GRK2: variants seen among roughly 807,000 people sequenced by gnomAD.
GRK2 encodes the protein G protein-coupled receptor kinase 2, also known as adrenergic beta receptor kinase 1.
Under a neutral mutation model 97.8 loss-of-function variants are expected in GRK2, and 23 were observed. The ratio of observed to expected loss-of-function variants is 0.24; its 90% CI spans 0.17 to 0.33. The LOEUF is 0.33. Among genes scored for constraint, GRK2 ranks in the 10% least tolerant of loss-of-function variants. GRK2 has a pLI of 1.00. For missense variants in GRK2, 633 were observed against 956.9 expected, an observed-to-expected ratio of 0.66 and a Z score of 4.47; for synonymous variants, 425 against 381.7, an observed-to-expected ratio of 1.11 and a Z score of -1.32.
chr11:67,279,386 T>C (rs1860100116), intron 3 of GRK2, 32 bp from the exon 4 acceptor site: 1 of 1,610,540 alleles, frequency 6.2e-7, no homozygotes, highest in South Asian at 1.1e-5. Context: ...CCTGCTGGGC[T>C]CTAGATGACC....
rs763434988 is a variant in GRK2, at chr11:67,273,822, G to A, written c.114-3450G>A. On this transcript the variant is annotated intron_variant, in intron 1 of 20. Coordinates refer to ENST00000308595, the MANE Select transcript of GRK2 (RefSeq NM_001619.5). Reference sequence around the variant, plus strand: ...AGAGCCCCGGGTCCTGCTTCCTGCTGTTCCCAGGCCGGGGCTGACAGCAGA... The same window carrying A: ...AGAGCCCCGGGTCCTGCTTCCTGCTATTCCCAGGCCGGGGCTGACAGCAGA... Among the ~76,000 whole-genome samples, 131 of 152,248 alleles carry A rather than the reference G, an allele frequency of 8.6e-4. 1 individual carries two copies. Among genetic ancestry groups the A allele is most frequent in the Admixed American group, 1.4e-3 (22 of 15,300 alleles).
rs1860146011 is a variant in GRK2 at position 67,281,307 on chromosome 11, AC to A, written c.647+128del. 1.3e-5 allele frequency: 14 copies of A among 1,080,914 alleles called. No individual in the cohort carries two copies. The highest frequency in any genetic ancestry group is 2.5e-5 in the East Asian group (1 of 39,632). The allele number at this position is 1,080,914 out of a possible 1,614,324, so 67.0% of individuals were successfully genotyped here. Reference sequence around the variant, plus strand: ...TGCACTCCTGTCTTGCCGTGCTGTTACCCCCGCAGGCTCCTCTGGCCCCAGC... The same window carrying A: ...TGCACTCCTGTCTTGCCGTGCTGTTACCCCGCAGGCTCCTCTGGCCCCAGC... On this transcript the variant is annotated intron_variant, in intron 8 of 20. Transcript: ENST00000308595. This position sits in a 1 kb window ranked among gnomAD's most constrained non-coding sequence, Gnocchi z 5.7.
At chr11:67,270,027 C>T (rs2136488526) in intron 1 of GRK2, among the ~76,000 whole-genome samples, 1 of 152,296 alleles carries the variant, frequency 6.6e-6, no homozygotes, top group Non-Finnish European at 1.5e-5. Context: ...GCTTCTCCCT[C>T]TACCACCAGC....
At position 67,282,158 on chromosome 11, in the gene GRK2, C is replaced by A; in HGVS notation, c.958-113C>A. On this transcript the variant is annotated intron_variant, in intron 11 of 20. Coordinates refer to ENST00000308595, the MANE Select transcript of GRK2 (RefSeq NM_001619.5). The surrounding 1 kb of genome is among the most constrained non-coding windows in gnomAD (Gnocchi z 6.9). ...AGGAGAGAGGACCCCCACCTTTGCC[C>A]TTTCTTTGGGTACCCATCGTCCTCT... The A allele has an allele frequency of 7.9e-7, 1 of 1,269,928 alleles. No homozygotes were observed. The highest frequency in any genetic ancestry group is 1.1e-6 in the Non-Finnish European group (1 of 896,762). The allele number at this position is 1,269,928 out of a possible 1,614,324, so 78.7% of individuals were successfully genotyped here.
chr11:67,273,418 G>C (rs1272294514), intron 1 of GRK2, among the ~76,000 whole-genome samples: 2 of 152,232 alleles, frequency 1.3e-5, no homozygotes, highest in African/African-American at 2.4e-5. Flanking sequence ...TGCCACTCCA[G>C]ACTCTGCCAG....
At chr11:67,271,621 G>A (rs1173078027) in intron 1 of GRK2, among the ~76,000 whole-genome samples, 1 of 152,228 alleles carries the variant, frequency 6.6e-6, no homozygotes, top group Non-Finnish European at 1.5e-5. Flanking sequence ...TGACAAGGCC[G>A]CCAGAGTGCC....
At chr11:67,272,269 A>AG (rs1266190726) in intron 1 of GRK2, among the ~76,000 whole-genome samples, 5 of 152,126 alleles carry the variant, frequency 3.3e-5, no homozygotes, top group Non-Finnish European at 5.9e-5. Context: ...ACAGAGGTCA[A>AG]GGGGGGGATG....
Position 67,281,324 on chromosome 11 carries a change from T to C in GRK2, c.648-135T>C. 1.8e-6 allele frequency: 2 copies of C among 1,087,016 alleles called. No homozygotes were observed. The highest frequency in any genetic ancestry group is 1.4e-6 in the Non-Finnish European group (1 of 735,248). The allele number at this position is 1,087,016 out of a possible 1,614,324, so 67.3% of individuals were successfully genotyped here. ...GTGCTGTTACCCCCGCAGGCTCCTC[T>C]GGCCCCAGCCCTCCCTGTCTCTGAT... On this transcript the variant is annotated intron_variant, in intron 8 of 20. Transcript: ENST00000308595. This position sits in a 1 kb window ranked among gnomAD's most constrained non-coding sequence, Gnocchi z 5.7.
Position 67,281,734 on chromosome 11 carries a change from T to G in GRK2, c.826+6T>G. ...CATCCTGGACCTCATGAACGGTGAGTGCTGGCCGGGCCCTAGGGTGGGCCG... is the reference window on the plus strand; with the variant it reads ...CATCCTGGACCTCATGAACGGTGAGGGCTGGCCGGGCCCTAGGGTGGGCCG... On this transcript the variant is annotated splice_donor_region_variant and intron_variant, in intron 10 of 20. Transcript: ENST00000308595. The surrounding 1 kb of genome is among the most constrained non-coding windows in gnomAD (Gnocchi z 5.7). The G allele has an allele frequency of 6.2e-7, 1 of 1,611,782 alleles. No individual in the cohort carries two copies.
Position 67,282,345 on chromosome 11 carries a change from G to C in GRK2, c.1032G>C (p.Lys344Asn). 3 of 1,613,514 alleles carry C rather than the reference G, an allele frequency of 1.9e-6. No individual in the cohort carries two copies. In the South Asian group the frequency reaches 3.3e-5, roughly 18 times the overall value. Residue 344 changes from lysine to asparagine, a missense_variant, in exon 12 of 21, where the codon AAG becomes AAC. Lys to Asn is a moderately conservative substitution (Grantham distance 94, BLOSUM62 0). This residue lies in a region of GRK2 where 192 missense variants were observed against 362.3 expected (regional missense o/e 0.53). Transcript: ENST00000308595. This position sits in a 1 kb window ranked among gnomAD's most constrained non-coding sequence, Gnocchi z 6.9. Reference protein sequence around the residue: ...SDLGLACDFSKKKPHASVGTH... With the variant: ...SDLGLACDFSNKKPHASVGTH... Reference sequence around the variant, plus strand: ...TGGGCCTGGCCTGTGACTTCTCCAAGAAGAAGCCCCATGCCAGCGTGTGAG... The same window carrying C: ...TGGGCCTGGCCTGTGACTTCTCCAACAAGAAGCCCCATGCCAGCGTGTGAG...
In GRK2 at chr11:67,281,360, C is replaced by A; in HGVS notation, c.648-99C>A. ...CTCCCTGTCTCTGATTTGTGTCACA[C>A]GCTGGTCCTGGGTCTAGTCTTTCCC... On this transcript the variant is annotated intron_variant, in intron 8 of 20. Transcript: ENST00000308595. The surrounding 1 kb of genome is among the most constrained non-coding windows in gnomAD (Gnocchi z 5.7). 2.5e-6 allele frequency: 3 copies of A among 1,218,982 alleles called. No individual in the cohort carries two copies. Among genetic ancestry groups the A allele is most frequent in the Non-Finnish European group, 3.6e-6 (3 of 841,712 alleles). 75.5% of individuals were successfully genotyped at this position (1,218,982 alleles called of 1,614,324 possible).
In GRK2 at chr11:67,286,287, C is replaced by T. The variant is rs895071009; in HGVS notation, c.*837C>T. 1.3e-5 allele frequency: 8 copies of T among 631,448 alleles called. No individual in the cohort carries two copies. The highest frequency in any genetic ancestry group is 2.0e-5 in the Non-Finnish European group (7 of 354,194). 39.1% of individuals were successfully genotyped at this position (631,448 alleles called of 1,614,324 possible). A position where few individuals can be genotyped will look rare whatever the true frequency, so the allele number is the denominator to read the frequency against. ...AGGCTGGCTGGGGCCTATCAGTGTG[C>T]CCCCCATCCTGGCCCATCAGTGTAC... On this transcript the variant is annotated 3_prime_UTR_variant, in exon 21 of 21. Transcript: ENST00000308595.
intron 1 of GRK2, among the ~76,000 whole-genome samples, chr11:67,268,865 G>C (rs1247145317): frequency 6.6e-6 from 1 of 152,250 alleles, no homozygotes; most frequent in East Asian, 1.9e-4. Context: ...AGTTGCTCAA[G>C]AAATACCAGG....
intron 20 of GRK2, 42 bp downstream of exon 20, chr11:67,285,230 A>AG: frequency 6.2e-7 from 1 of 1,611,536 alleles, no homozygotes; most frequent in Non-Finnish European, 8.5e-7. Flanking sequence ...CCGAGGGGCC[A>AG]GGCCAGGCAG....
chr11:67,275,048 G>A (rs544129906), intron 1 of GRK2, among the ~76,000 whole-genome samples: 223 of 152,306 alleles, frequency 1.5e-3, no homozygotes, highest in Non-Finnish European at 2.5e-3. Context: ...CTTCCTGCTG[G>A]AGACAACTTT....
chr11:67,266,672 G>T lies in GRK2; in HGVS notation c.-28G>T. 1.9e-6 allele frequency: 2 copies of T among 1,074,322 alleles called. No homozygotes were observed. Among genetic ancestry groups the T allele is most frequent in the Non-Finnish European group, 2.3e-6 (2 of 870,356 alleles). 66.5% of individuals were successfully genotyped at this position (1,074,322 alleles called of 1,614,324 possible). On this transcript the variant is annotated 5_prime_UTR_variant, in exon 1 of 21. Coordinates refer to ENST00000308595, the MANE Select transcript of GRK2 (RefSeq NM_001619.5). ...CAGGAGCGGCGGCGGCGGCGGCGGCGGCGGGAGGAGGCAGCGCCGCCGCCA... is the reference window on the plus strand; with the variant it reads ...CAGGAGCGGCGGCGGCGGCGGCGGCTGCGGGAGGAGGCAGCGCCGCCGCCA...
Position 67,286,428 on chromosome 11 carries a change from C to T in GRK2, c.*978C>T. On this transcript the variant is annotated 3_prime_UTR_variant, in exon 21 of 21. Coordinates refer to ENST00000308595, the MANE Select transcript of GRK2 (RefSeq NM_001619.5). Reference sequence around the variant, plus strand: ...TGTGTGGTGTCGCGCCTTCTCCCCCCCGGGGCTGGGTTGGCGCACCCTCCC... The same window carrying T: ...TGTGTGGTGTCGCGCCTTCTCCCCCTCGGGGCTGGGTTGGCGCACCCTCCC... 1 of 699,936 alleles carries T rather than the reference C, an allele frequency of 1.4e-6. No homozygotes were observed. Among genetic ancestry groups the T allele is most frequent in the African/African-American group, 1.7e-5 (1 of 57,162 alleles). The allele number at this position is 699,936 out of a possible 1,614,324, so 43.4% of individuals were successfully genotyped here. A position where few individuals can be genotyped will look rare whatever the true frequency, so the allele number is the denominator to read the frequency against.
chr11:67,283,558 G>A, intron 15 of GRK2, 149 bp from the exon 16 acceptor site: 1 of 783,668 alleles, frequency 1.3e-6, no homozygotes. Context: ...TACGATGTAG[G>A]AACTTCTGTT....
intron 2 of GRK2, 81 bp from the exon 3 acceptor site, chr11:67,279,119 G>C: frequency 1.6e-6 from 2 of 1,260,408 alleles, no homozygotes; most frequent in Non-Finnish European, 2.3e-6. Flanking sequence ...TCTGCCCAGG[G>C]AGCCCAACCC....
Sources: allele counts gnomAD v4.1 joint callset (sites outside exome capture counted in the v4.1 genomes callset), GRCh38; gene constraint gnomAD v4.1.1; regional missense constraint gnomAD v4.1.1; non-coding constraint Gnocchi (gnomAD v3.1); transcripts MANE v1.5; gene names NCBI Gene and HGNC (gene_info 2026-07-23, HGNC 2026-07-21).